Variants in PPP2R5C observed in about 807,000 individuals in gnomAD.
PPP2R5C encodes serine/threonine-protein phosphatase 2A 56 kDa regulatory subunit gamma isoform.
In PPP2R5C, 7 loss-of-function variants were observed where a neutral mutation model predicts 68.9. That is an observed-to-expected ratio of 0.10 (90% CI 0.06 to 0.19). PPP2R5C has a LOEUF of 0.19. Among genes scored for constraint, PPP2R5C ranks in the 10% least tolerant of loss-of-function variants. The probability of loss-of-function intolerance (pLI) is 1.00; values close to 1 mark genes in which losing one functional copy is unlikely to be tolerated. For synonymous variants in PPP2R5C, 210 were observed against 222.2 expected (o/e 0.95, Z 0.49); for missense variants, 348 against 641.3 (o/e 0.54, Z 4.94).
At chr14:101,783,686 CACCTTCCATGCAGCCG>C (rs1431046092) in intron 2 of PPP2R5C, among the ~76,000 whole-genome samples, 3 of 152,230 alleles carry the variant, frequency 2.0e-5, no homozygotes, top group Admixed American at 6.5e-5. Context: ...TAGGCTGGGC[CACCTTCCATGCAGCCG>C]ACCTTCCAGC....
At position 101,925,304 on chromosome 14, in the gene PPP2R5C, C is replaced by A. The variant is rs1204835627; in HGVS notation, c.*32C>A. On this transcript the variant is annotated 3_prime_UTR_variant, in exon 14 of 14. Transcript: ENST00000334743. ...GGGCGCCGCGTCGGGGCCGGGCCCG[C>A]CAGTTCTTTTCCGGATTCTGTAGAA... 1.2e-5 allele frequency: 20 copies of A among 1,608,012 alleles called. No homozygotes were observed. The Admixed American group carries it at 3.4e-4, about 27-fold the overall frequency.
chr14:101,882,063 G>A lies in PPP2R5C; in HGVS notation c.295-98G>A. 2 of 979,344 alleles carry A rather than the reference G, an allele frequency of 2.0e-6. No individual in the cohort carries two copies. The highest frequency in any genetic ancestry group is 2.9e-6 in the Non-Finnish European group (2 of 685,132). The allele number at this position is 979,344 out of a possible 1,614,324, so 60.7% of individuals were successfully genotyped here. A position where few individuals can be genotyped will look rare whatever the true frequency, so the allele number is the denominator to read the frequency against. On this transcript the variant is annotated intron_variant, in intron 2 of 13. Coordinates refer to ENST00000334743, the Ensembl canonical transcript of PPP2R5C. The surrounding 1 kb of genome is among the most constrained non-coding windows in gnomAD (Gnocchi z 4.9). ...GATACGGAGGAGCTAAGTTACCATG[G>A]GAAGCGGCTACTGTTAGAATTACCT...
At chr14:101,761,770 ACT>A, upstream of PPP2R5C, 1 of 942,204 alleles carries the variant, frequency 1.1e-6, no homozygotes, top group Non-Finnish European at 1.2e-6. Context: ...CAAGCGAAAG[ACT>A]CAGTCCCCGG....
intron 2 of PPP2R5C, among the ~76,000 whole-genome samples, chr14:101,764,047 G>T (rs560675512): frequency 6.6e-6 from 1 of 152,232 alleles, no homozygotes; most frequent in South Asian, 2.1e-4. Flanking sequence ...GCACTTGCGC[G>T]TCGGCCACTT....
chr14:101,896,660 A>T (rs1320602770), intron 8 of PPP2R5C, among the ~76,000 whole-genome samples: 2 of 141,732 alleles, frequency 1.4e-5, no homozygotes, highest in Non-Finnish European at 1.5e-5. Flanking sequence ...AAAAAAGTGT[A>T]TATCTTCTTT....
At chr14:101,766,554 C>G (rs2036869945) in intron 2 of PPP2R5C, 1 of 152,136 alleles carries the variant, frequency 6.6e-6, no homozygotes, top group Non-Finnish European at 1.5e-5. Context: ...GTAACTTTTG[C>G]CTTATTCTAG....
At chr14:101,760,697 T>C, upstream of PPP2R5C, 1 of 939,440 alleles carries the variant, frequency 1.1e-6, no homozygotes, top group Non-Finnish European at 1.2e-6. Context: ...GGGCGGGACC[T>C]CGCGGGAGGA....
chr14:101,824,277 T>C (rs1470553749), intron 1 of PPP2R5C: 7 of 1,007,450 alleles, frequency 6.9e-6, no homozygotes, highest in Non-Finnish European at 9.0e-6. Context: ...ATGAAGTTCT[T>C]GCGGGGTAGG....
chr14:101,819,493 TG>T (rs1286771727), intron 1 of PPP2R5C: 1 of 163,462 alleles, frequency 6.1e-6, no homozygotes, highest in East Asian at 1.7e-4. Flanking sequence ...GACCCAAGAA[TG>T]TCCTCGATAA....
intron 2 of PPP2R5C, among the ~76,000 whole-genome samples, chr14:101,771,998 CAT>C (rs576856293): frequency 2.2e-4 from 34 of 152,284 alleles, no homozygotes; most frequent in African/African-American, 7.5e-4. Flanking sequence ...TCAGTAGCCA[CAT>C]GTGGCCAGCA....
Position 101,867,977 on chromosome 14 carries a change from G to A in PPP2R5C, c.294+11092G>A, listed in dbSNP as rs568259300. Among the ~76,000 whole-genome samples, 20 of 152,178 alleles carry A rather than the reference G, an allele frequency of 1.3e-4. No individual in the cohort carries two copies. The East Asian group carries it at 3.7e-3, about 28-fold the overall frequency. On this transcript the variant is annotated intron_variant, in intron 2 of 13. Transcript: ENST00000334743. ...AGAGTGTTCTTAGGATCTGTTGGCC[G>A]GGTCCTGGGGGAGGTCTCACACCCT...
At chr14:101,787,300 T>C (rs2038139861) in intron 3 of PPP2R5C, among the ~76,000 whole-genome samples, 1 of 152,048 alleles carries the variant, frequency 6.6e-6, no homozygotes, top group South Asian at 2.1e-4. Context: ...CAGTCTGTCA[T>C]GTTTATAGCT....
chr14:101,769,619 G>C (rs1366061200), intron 2 of PPP2R5C, among the ~76,000 whole-genome samples: 2 of 152,160 alleles, frequency 1.3e-5, no homozygotes, highest in Non-Finnish European at 2.9e-5. Flanking sequence ...TACTAAAGCA[G>C]AAGATTATGG....
At position 101,918,717 on chromosome 14, in the gene PPP2R5C, C is replaced by T. The variant is rs542017939; in HGVS notation, c.1443+770C>T. On this transcript the variant is annotated intron_variant, in intron 13 of 13. Coordinates refer to ENST00000334743, the Ensembl canonical transcript of PPP2R5C. ...GGTCACAGGCCACCTCCAAAGAGAG[C>T]CTCCGACCACTGTTACTCCTCAGCT... Among the ~76,000 whole-genome samples, 5 of 124,742 alleles carry T rather than the reference C, an allele frequency of 4.0e-5. No individual in the cohort carries two copies. In the East Asian group the frequency reaches 1.2e-3, roughly 29 times the overall value. The allele number at this position is 124,742 out of a possible 152,430, so 81.8% of individuals were successfully genotyped here. A position where few individuals can be genotyped will look rare whatever the true frequency, so the allele number is the denominator to read the frequency against.
chr14:101,869,788 G>T (rs571911241), intron 2 of PPP2R5C, among the ~76,000 whole-genome samples: 1 of 152,100 alleles, frequency 6.6e-6, no homozygotes, highest in African/African-American at 2.4e-5. Context: ...CTGAGTAGCT[G>T]GGACTGCAAG....
chr14:101,891,568 T>G lies in PPP2R5C; in HGVS notation c.689+1272T>G, dbSNP rs1156835056. ...GCAGGGACCGGAGCGCTGTATGACA[T>G]GTGTTCCACAGCCCGCCATGCCGTG... On this transcript the variant is annotated intron_variant, in intron 6 of 13. Transcript: ENST00000334743. The surrounding 1 kb of genome is among the most constrained non-coding windows in gnomAD (Gnocchi z 4.9). 6.6e-6 allele frequency among the ~76,000 whole-genome samples: 1 copy of G among 152,122 alleles called. No homozygotes were observed. The highest frequency in any genetic ancestry group is 2.4e-5 in the African/African-American group (1 of 41,428).
exon 14 of PPP2R5C, chr14:101,926,307 T>C (rs1260403885): frequency 2.0e-5 from 3 of 152,608 alleles, no homozygotes; most frequent in Non-Finnish European, 4.4e-5. Context: ...TTCTGAGAGC[T>C]TGGAGGAGGC....
intron 1 of PPP2R5C, among the ~76,000 whole-genome samples, chr14:101,816,449 G>T (rs920947558): frequency 9.2e-5 from 14 of 151,978 alleles, no homozygotes; most frequent in Non-Finnish European, 1.9e-4. Flanking sequence ...GTTTAAAAAA[G>T]AAAAAAGACT....
At chr14:101,824,844 G>C (rs554263654) in intron 1 of PPP2R5C, 2 of 152,672 alleles carry the variant, frequency 1.3e-5, no homozygotes, top group African/African-American at 4.8e-5. Flanking sequence ...AGGAGAAGCA[G>C]TGTGTTAGCT....
Sources: allele counts gnomAD v4.1 joint callset (sites outside exome capture counted in the v4.1 genomes callset), GRCh38; gene constraint gnomAD v4.1.1; non-coding constraint Gnocchi (gnomAD v3.1); transcripts MANE v1.5; gene names NCBI Gene and HGNC (gene_info 2026-07-23, HGNC 2026-07-21).